Variants in ANKS1B observed in about 807,000 individuals in gnomAD.
ANKS1B encodes ankyrin repeat and sterile alpha motif domain containing 1B.
ANKS1B carries 36 observed loss-of-function variants against 148.3 expected under a neutral mutation model. The observed-to-expected ratio is 0.24, with a 90% CI of 0.19 to 0.32. The LOEUF (loss-of-function observed/expected upper bound fraction) is 0.32, where lower values mean the gene tolerates loss of function less well. ANKS1B is among the 10% of genes least tolerant of loss of function. ANKS1B has a pLI of 1.00. For missense variants in ANKS1B, 1,157 were observed against 1,542.6 expected, an observed-to-expected ratio of 0.75 and a Z score of 4.19; for synonymous variants, 542 against 560.8, an observed-to-expected ratio of 0.97 and a Z score of 0.47.
At chr12:99,966,152 G>T (rs1031159534) in intron 1 of ANKS1B, among the ~76,000 whole-genome samples, 1 of 152,152 alleles carries the variant, frequency 6.6e-6, no homozygotes, top group Non-Finnish European at 1.5e-5. Flanking sequence ...ACATTATTGG[G>T]ACAGTTGGCA....
rs374453521 is a variant in ANKS1B, at chr12:99,655,145, C to G, written c.1194G>C (p.Thr398=). The G allele has an allele frequency of 3.0e-5, 48 of 1,612,564 alleles. No homozygotes were observed. The South Asian group carries it at 4.1e-4, about 14-fold the overall frequency. Residue 398 remains threonine (T), a synonymous_variant, in exon 9 of 27, where the codon ACG becomes ACC. Transcript: ENST00000683438. The part of the protein sequence containing the change: ...EVEEEDDDEN[T]CGPSGLWEAL... Reference sequence around the variant, plus strand: ...CTTCCCAAAGTCCTGATGGCCCACACGTATTTTCATCATCATCCTCTTCTT... The same window carrying G: ...CTTCCCAAAGTCCTGATGGCCCACAGGTATTTTCATCATCATCCTCTTCTT...
chr12:99,224,805 C>CG (rs1566673270), intron 14 of ANKS1B, among the ~76,000 whole-genome samples: 1 of 152,066 alleles, frequency 6.6e-6, no homozygotes, highest in Non-Finnish European at 1.5e-5. Flanking sequence ...AGTAGGTAAG[C>CG]GAAAAACCAG....
At chr12:99,075,799 T>C (rs561513464) in intron 16 of ANKS1B, among the ~76,000 whole-genome samples, 8 of 147,360 alleles carry the variant, frequency 5.4e-5, no homozygotes, top group African/African-American at 2.0e-4. Flanking sequence ...GTATAACATA[T>C]ATAATATACA....
At chr12:99,278,650 T>C (rs2077999390) in intron 12 of ANKS1B, among the ~76,000 whole-genome samples, 1 of 152,196 alleles carries the variant, frequency 6.6e-6, no homozygotes, top group African/African-American at 2.4e-5. Flanking sequence ...GAGTTAAATA[T>C]GGATACTGCA....
intron 9 of ANKS1B, among the ~76,000 whole-genome samples, chr12:99,628,902 C>T (rs994225804): frequency 1.3e-5 from 2 of 152,178 alleles, no homozygotes; most frequent in African/African-American, 2.4e-5. Flanking sequence ...CCTCTTAATA[C>T]TTAATGGGTA....
rs118139728 is a variant in ANKS1B at position 99,858,648 on chromosome 12, G to A, written c.135-33259C>T. Among the ~76,000 whole-genome samples the A allele has an allele frequency of 1.6e-3, 251 of 152,288 alleles. 8 individuals are homozygous for A. In the East Asian group the frequency reaches 0.041, roughly 25 times the overall value. ...TCAAATGCCCATCAGTCAACAAGTGGATAAAGAAAATGTGGTAAATATATA... is the reference window on the plus strand; with the variant it reads ...TCAAATGCCCATCAGTCAACAAGTGAATAAAGAAAATGTGGTAAATATATA... On this transcript the variant is annotated intron_variant, in intron 1 of 26. Transcript: ENST00000683438.
rs2081995796 is a variant in ANKS1B at position 99,303,811 on chromosome 12, C to A, written c.1757-56947G>T. 2.6e-5 allele frequency among the ~76,000 whole-genome samples: 4 copies of A among 152,074 alleles called. No homozygotes were observed. In the South Asian group the frequency reaches 6.2e-4, roughly 24 times the overall value. On this transcript the variant is annotated intron_variant, in intron 12 of 26. Transcript: ENST00000683438. The stretch of plus-strand genomic sequence containing the variant: ...CTCTTCCCCACAAGTCCCCAGAATT[C>A]ATTATATCATTCTTATGCATTTGCA...
chr12:99,081,393 T>C (rs938646555), intron 16 of ANKS1B, among the ~76,000 whole-genome samples: 6 of 152,212 alleles, frequency 3.9e-5, no homozygotes, highest in Non-Finnish European at 7.4e-5. Context: ...TTCTGAAGAC[T>C]GAAATTGTAT....
intron 12 of ANKS1B, among the ~76,000 whole-genome samples, chr12:99,321,219 C>G (rs1469095008): frequency 6.6e-6 from 1 of 152,216 alleles, no homozygotes; most frequent in African/African-American, 2.4e-5. Context: ...AGAACCACTA[C>G]TCTCTTCAAA....
At chr12:99,283,092 C>T (rs2078686996) in intron 12 of ANKS1B, among the ~76,000 whole-genome samples, 1 of 152,170 alleles carries the variant, frequency 6.6e-6, no homozygotes, top group Non-Finnish European at 1.5e-5. Flanking sequence ...GAATGCAAGT[C>T]TTCATTCTTA....
At chr12:99,096,308 T>C (rs2056102566) in intron 15 of ANKS1B, among the ~76,000 whole-genome samples, 1 of 152,168 alleles carries the variant, frequency 6.6e-6, no homozygotes. Flanking sequence ...TCCTGACTTT[T>C]CCCCACATTT....
chr12:98,832,051 G>A lies in ANKS1B; in HGVS notation c.2864C>T (p.Pro955Leu), dbSNP rs1193471250. The A allele has an allele frequency of 1.9e-6, 3 of 1,596,018 alleles. No homozygotes were observed. The highest frequency in any genetic ancestry group is 2.3e-5 in the East Asian group (1 of 44,306). The change falls in exon 18 of 27, where the codon CCC becomes CTC. Residue 955 changes from proline (P) to leucine (L), a missense_variant. This residue lies in a region of ANKS1B where 258 missense variants were observed against 497.0 expected (regional missense o/e 0.52). Transcript: ENST00000683438. ...DRLHDDPPQK[P>L]PRSITLREPS... ...TACCCTGAGGGTGATGGACCGAGGG[G>A]GCTTCTGTGGGGGATCGTCGTGCAG...
chr12:99,947,087 A>G (rs1198073953), intron 1 of ANKS1B, among the ~76,000 whole-genome samples: 1 of 152,060 alleles, frequency 6.6e-6, no homozygotes, highest in African/African-American at 2.4e-5. Flanking sequence ...GCTGCCTAGG[A>G]AAATTAAGTT....
intron 12 of ANKS1B, among the ~76,000 whole-genome samples, chr12:99,384,293 T>C (rs1218286087): frequency 6.6e-6 from 1 of 152,160 alleles, no homozygotes; most frequent in East Asian, 1.9e-4. Flanking sequence ...TGTAAACAAG[T>C]TTCCTAACCA....
chr12:99,658,666 T>C (rs779833687), intron 8 of ANKS1B, among the ~76,000 whole-genome samples: 3 of 152,200 alleles, frequency 2.0e-5, no homozygotes, highest in Non-Finnish European at 4.4e-5. Context: ...CACATAATCT[T>C]ATTAATCCTT....
chr12:99,572,922 T>C (rs2097476189), intron 9 of ANKS1B, among the ~76,000 whole-genome samples: 2 of 152,124 alleles, frequency 1.3e-5, no homozygotes, highest in African/African-American at 4.8e-5. Flanking sequence ...ATATTTTGAA[T>C]GTGTTACATC....
intron 4 of ANKS1B, among the ~76,000 whole-genome samples, chr12:99,805,262 G>GAAAAAAAAAAAAAAAAAAAAAAAA (rs1567880890): frequency 1.2e-4 from 1 of 8,308 alleles, no homozygotes; most frequent in Non-Finnish European, 2.2e-4. Flanking sequence ...GGAGGAAAAG[G>GAAAAAAAAAAAAAAAAAAAAAAAA]CAAAAAAAAA....
intron 17 of ANKS1B, among the ~76,000 whole-genome samples, chr12:99,003,753 C>T (rs891791722): frequency 6.6e-6 from 1 of 152,154 alleles, no homozygotes; most frequent in Non-Finnish European, 1.5e-5. Context: ...CATGGGCAGA[C>T]CTCCCGGTTT....
chr12:99,194,798 G>A (rs545338761), intron 14 of ANKS1B, among the ~76,000 whole-genome samples: 1 of 152,202 alleles, frequency 6.6e-6, no homozygotes, highest in African/African-American at 2.4e-5. Flanking sequence ...TAACAGATGA[G>A]ATGATATTTC....
Sources: gnomAD v4.1 joint callset for allele counts (sites outside exome capture counted in the v4.1 genomes callset) on GRCh38, gnomAD v4.1.1 for gene constraint, gnomAD v4.1.1 regional missense constraint, MANE v1.5 for transcripts, NCBI Gene and HGNC (gene_info 2026-07-23, HGNC 2026-07-21) for gene names.